Variants in GRIK3 observed in about 807,000 individuals in gnomAD.
GRIK3 encodes the protein glutamate receptor ionotropic, kainate 3.
Under a neutral mutation model 102.5 loss-of-function variants are expected in GRIK3, and 29 were observed. That is an observed-to-expected ratio of 0.28 (90% CI 0.21 to 0.39). The LOEUF is 0.39. GRIK3 is among the 10% of genes least tolerant of loss of function. GRIK3 has a pLI of 1.00. For synonymous variants in GRIK3, 511 were observed against 504.9 expected, an observed-to-expected ratio of 1.01 and a Z score of -0.16; for missense variants, 908 against 1,252.4, an observed-to-expected ratio of 0.73 and a Z score of 4.15.
chr1:36,923,326 G>A (rs933331663), intron 1 of GRIK3, among the ~76,000 whole-genome samples: 5 of 152,168 alleles, frequency 3.3e-5, no homozygotes, highest in African/African-American at 1.2e-4. Context: ...AGAGGGGTGG[G>A]AGGCCTAATC....
intron 13 of GRIK3, among the ~76,000 whole-genome samples, chr1:36,808,878 T>C (rs762834333): frequency 1.9e-4 from 29 of 152,200 alleles, no homozygotes; most frequent in Non-Finnish European, 3.7e-4. Context: ...CAGATAATCA[T>C]CAATTCCAAC....
In GRIK3 at chr1:36,877,451, T is replaced by C. The variant is rs370769367; in HGVS notation, c.550+3183A>G. The stretch of plus-strand genomic sequence containing the variant: ...TCTAGGCTCTCCTTCCAACCCTCCC[T>C]GTGCATTGCTCTTAGAACCACCTTC... On this transcript the variant is annotated intron_variant, in intron 3 of 15. Transcript: ENST00000373091. Among the ~76,000 whole-genome samples, 31 of 152,316 alleles carry C rather than the reference T, an allele frequency of 2.0e-4. 1 individual carries two copies. The South Asian group carries it at 6.2e-3, about 31-fold the overall frequency.
chr1:36,971,820 C>T (rs984082984), intron 1 of GRIK3, among the ~76,000 whole-genome samples: 1 of 152,184 alleles, frequency 6.6e-6, no homozygotes, highest in African/African-American at 2.4e-5. Flanking sequence ...CCACCTGACA[C>T]CTTCCTTTTC....
At chr1:36,935,206 G>A (rs1305116367) in intron 1 of GRIK3, among the ~76,000 whole-genome samples, 1 of 152,086 alleles carries the variant, frequency 6.6e-6, no homozygotes, top group Non-Finnish European at 1.5e-5. Context: ...ACCCAGCACG[G>A]TGCCTGACAC....
In GRIK3 at chr1:36,808,095, G is replaced by T. The variant is rs532345245; in HGVS notation, c.2092-1769C>A. On this transcript the variant is annotated intron_variant, in intron 13 of 15. Transcript: ENST00000373091. ...CACCTCAGTGCTTCCTGTGGCCCAG[G>T]CTGTGCCCCACGCAATATTCTTGCC... is the stretch of plus-strand genomic sequence containing the variant. Among the ~76,000 whole-genome samples, 3 of 152,270 alleles carry T rather than the reference G, an allele frequency of 2.0e-5. No individual in the cohort carries two copies. In the South Asian group the frequency reaches 6.2e-4, roughly 32 times the overall value.
At chr1:36,996,100 G>A (rs1023824479) in intron 1 of GRIK3, among the ~76,000 whole-genome samples, 2 of 152,180 alleles carry the variant, frequency 1.3e-5, no homozygotes, top group Admixed American at 6.5e-5. Flanking sequence ...CTTCTTCCAC[G>A]TCAGGCCAAG....
At chr1:37,003,019 TTG>T (rs1432957266) in intron 1 of GRIK3, among the ~76,000 whole-genome samples, 13 of 66,268 alleles carry the variant, frequency 2.0e-4, no homozygotes, top group Non-Finnish European at 2.5e-4. Flanking sequence ...ATAAAAGCTG[TTG>T]TTTTTTTTTT....
chr1:36,960,127 C>T (rs1289382789), intron 1 of GRIK3, among the ~76,000 whole-genome samples: 1 of 91,272 alleles, frequency 1.1e-5, no homozygotes, highest in Non-Finnish European at 2.6e-5. Flanking sequence ...GTCTGTGCCT[C>T]GTGAGCCTGT....
intron 1 of GRIK3, among the ~76,000 whole-genome samples, chr1:36,973,801 T>C (rs928354261): frequency 6.6e-5 from 10 of 152,242 alleles, no homozygotes; most frequent in African/African-American, 2.4e-4. Context: ...TCAGATGACG[T>C]AGGAGACGTT....
At chr1:36,988,440 C>A (rs1264406506) in intron 1 of GRIK3, among the ~76,000 whole-genome samples, 1 of 152,248 alleles carries the variant, frequency 6.6e-6, no homozygotes, top group Admixed American at 6.5e-5. Flanking sequence ...CATCTGCAGG[C>A]GTTGGGAACA....
At chr1:36,899,767 T>C (rs1024833318) in intron 1 of GRIK3, among the ~76,000 whole-genome samples, 1 of 152,246 alleles carries the variant, frequency 6.6e-6, no homozygotes, top group Non-Finnish European at 1.5e-5. Flanking sequence ...AAAGTGAAAG[T>C]AGCTGTATTC....
rs974628598 is a variant in GRIK3 at position 36,917,399 on chromosome 1, G to A, written c.116-26303C>T. The stretch of plus-strand genomic sequence containing the variant: ...TTTGGGGGACTGTTGGGAAGGCATC[G>A]GTTTTGAAATGTGAGGACATGAGAT... On this transcript the variant is annotated intron_variant, in intron 1 of 15. Coordinates refer to ENST00000373091, the MANE Select transcript of GRIK3 (RefSeq NM_000831.4). 5.3e-5 allele frequency among the ~76,000 whole-genome samples: 8 copies of A among 152,258 alleles called. 1 individual carries two copies. Among genetic ancestry groups the A allele is most frequent in the African/African-American group, 1.2e-4 (5 of 41,552 alleles).
chr1:36,968,105 C>A lies in GRIK3; in HGVS notation c.115+65889G>T, dbSNP rs1642098880. Among the ~76,000 whole-genome samples the A allele has an allele frequency of 2.0e-5, 3 of 152,134 alleles. No homozygotes were observed. The South Asian group carries it at 6.2e-4, about 32-fold the overall frequency. Reference sequence around the variant, plus strand: ...GCCCCAACCCTGCCCCAGCTACCCCCATCTCTTGCAGGTAGAAACATCCCT... The same window carrying A: ...GCCCCAACCCTGCCCCAGCTACCCCAATCTCTTGCAGGTAGAAACATCCCT... On this transcript the variant is annotated intron_variant, in intron 1 of 15. Coordinates refer to ENST00000373091, the MANE Select transcript of GRIK3 (RefSeq NM_000831.4).
intron 1 of GRIK3, among the ~76,000 whole-genome samples, chr1:37,004,679 C>T (rs984118089): frequency 2.0e-5 from 3 of 152,208 alleles, no homozygotes; most frequent in East Asian, 1.9e-4. Flanking sequence ...TCTGTGTTTG[C>T]GTATGTGTGT....
chr1:37,030,538 CCCCA>C (rs1642814280), intron 1 of GRIK3, among the ~76,000 whole-genome samples: 1 of 115,478 alleles, frequency 8.7e-6, no homozygotes, highest in African/African-American at 4.3e-5. Context: ...TTTCCCCACC[CCCCA>C]CCCCCTCCCC....
intron 1 of GRIK3, among the ~76,000 whole-genome samples, chr1:36,995,535 AT>A (rs1309491980): frequency 6.6e-6 from 1 of 152,200 alleles, no homozygotes; most frequent in African/African-American, 2.4e-5. Context: ...CTGGGGAATG[AT>A]GTCTTCCAGG....
At chr1:37,018,703 G>C (rs568638031) in intron 1 of GRIK3, among the ~76,000 whole-genome samples, 2 of 152,276 alleles carry the variant, frequency 1.3e-5, no homozygotes, top group South Asian at 4.1e-4. Context: ...TGCCAGATGA[G>C]TCAGGCTCAA....
intron 1 of GRIK3, among the ~76,000 whole-genome samples, chr1:36,996,781 G>C (rs546672354): frequency 6.6e-6 from 1 of 152,146 alleles, no homozygotes; most frequent in Non-Finnish European, 1.5e-5. Flanking sequence ...GAGCTTCCAG[G>C]GGCTGTCCAG....
intron 1 of GRIK3, among the ~76,000 whole-genome samples, chr1:37,017,325 G>A (rs1309192637): frequency 1.5e-5 from 2 of 130,644 alleles, no homozygotes; most frequent in African/African-American, 3.0e-5. Flanking sequence ...CTTGAGCCCA[G>A]GAGTTTGAGA....
Sources: allele counts gnomAD v4.1 joint callset (sites outside exome capture counted in the v4.1 genomes callset), GRCh38; gene constraint gnomAD v4.1.1; transcripts MANE v1.5; gene names NCBI Gene and HGNC (gene_info 2026-07-23, HGNC 2026-07-21).